The following PCDH15 variants were observed in gnomAD, a reference collection of about 807,000 sequenced individuals.
PCDH15 encodes protocadherin-15.
Under a neutral mutation model 178.5 loss-of-function variants are expected in PCDH15, and 129 were observed. The observed-to-expected ratio is 0.72, with a 90% CI of 0.63 to 0.84. The LOEUF (loss-of-function observed/expected upper bound fraction) is 0.84, where lower values mean the gene tolerates loss of function less well. PCDH15 is among the 40% of genes least tolerant of loss of function. The pLI is 0.00. For missense variants in PCDH15, 2,230 were observed against 2,099.9 expected (o/e 1.06, Z -1.21); for synonymous variants, 800 against 732.0 (o/e 1.09, Z -1.50).
At chr10:54,760,750 G>A (rs548145237) in intron 1 of PCDH15, among the ~76,000 whole-genome samples, 3 of 152,190 alleles carry the variant, frequency 2.0e-5, no homozygotes, top group South Asian at 4.1e-4. Flanking sequence ...GCAAAGTTAG[G>A]TAAATTGATG....
At chr10:54,639,921 T>C (rs920964865) in intron 2 of PCDH15, among the ~76,000 whole-genome samples, 2 of 152,076 alleles carry the variant, frequency 1.3e-5, no homozygotes, top group Admixed American at 1.3e-4. Context: ...ACCTAGTGAT[T>C]ATAGATAGAT....
intron 2 of PCDH15, among the ~76,000 whole-genome samples, chr10:55,390,928 T>G (rs1837777669): frequency 6.6e-6 from 1 of 152,180 alleles, no homozygotes; most frequent in East Asian, 1.9e-4. Context: ...AGATCTAACA[T>G]TAAGACTTAA....
At chr10:55,271,155 G>A (rs183668057) in intron 1 of PCDH15, among the ~76,000 whole-genome samples, 1 of 152,098 alleles carries the variant, frequency 6.6e-6, no homozygotes, top group East Asian at 1.9e-4. Flanking sequence ...AGAGAGGTGG[G>A]CAGGGGGTGA....
intron 12 of PCDH15, among the ~76,000 whole-genome samples, chr10:54,184,343 C>G (rs1281203842): frequency 6.6e-6 from 1 of 151,968 alleles, no homozygotes; most frequent in Non-Finnish European, 1.5e-5. Flanking sequence ...GCTCATCTTT[C>G]TCCTGTGACT....
chr10:54,852,941 T>C (rs920445065), intron 3 of PCDH15, among the ~76,000 whole-genome samples: 1 of 150,968 alleles, frequency 6.6e-6, no homozygotes, highest in Non-Finnish European at 1.5e-5. Context: ...GACAGATACA[T>C]AAAAATCTTA....
chr10:54,549,139 C>T (rs1316349370), intron 2 of PCDH15, among the ~76,000 whole-genome samples: 9 of 151,370 alleles, frequency 5.9e-5, no homozygotes, highest in Non-Finnish European at 1.0e-4. Flanking sequence ...TAATCCTTGG[C>T]TTTGTTAAGT....
At chr10:53,839,064 C>T (rs2077479678) in intron 29 of PCDH15, among the ~76,000 whole-genome samples, 3 of 151,790 alleles carry the variant, frequency 2.0e-5, no homozygotes, top group South Asian at 2.1e-4. Flanking sequence ...ATTAGCTGGG[C>T]GTGGTGGCGG....
intron 25 of PCDH15, among the ~76,000 whole-genome samples, chr10:53,907,855 A>T (rs2082787425): frequency 6.6e-6 from 1 of 152,190 alleles, no homozygotes; most frequent in Admixed American, 6.5e-5. Context: ...CAGAAGAGTG[A>T]TTTTAAATAC....
At chr10:55,490,782 G>A (rs1326937225) in intron 2 of PCDH15, among the ~76,000 whole-genome samples, 1 of 151,610 alleles carries the variant, frequency 6.6e-6, no homozygotes, top group African/African-American at 2.4e-5. Context: ...ATAACACAAT[G>A]GTTCCAAGAA....
At chr10:54,072,383 T>C (rs973381416) in intron 17 of PCDH15, among the ~76,000 whole-genome samples, 1 of 152,176 alleles carries the variant, frequency 6.6e-6, no homozygotes, top group Non-Finnish European at 1.5e-5. Flanking sequence ...TAGAGTTTCA[T>C]TCATGATGTA....
At chr10:55,616,779 G>C (rs1843487996) in intron 2 of PCDH15, among the ~76,000 whole-genome samples, 1 of 152,052 alleles carries the variant, frequency 6.6e-6, no homozygotes, top group Non-Finnish European at 1.5e-5. Flanking sequence ...TATTAGCACT[G>C]GTTGATATTT....
intron 3 of PCDH15, among the ~76,000 whole-genome samples, chr10:54,438,577 C>A (rs112038441): frequency 6.6e-6 from 1 of 152,004 alleles, no homozygotes; most frequent in Non-Finnish European, 1.5e-5. Flanking sequence ...GCTGCCTCAA[C>A]GAGCATGTAG....
intron 2 of PCDH15, among the ~76,000 whole-genome samples, chr10:54,590,639 G>A (rs1303300146): frequency 2.6e-5 from 4 of 152,016 alleles, no homozygotes; most frequent in East Asian, 1.9e-4. Flanking sequence ...TGTAACTCTG[G>A]GAACACCTTA....
chr10:55,321,178 A>G (rs1039942144), upstream of PCDH15, among the ~76,000 whole-genome samples: 1 of 152,150 alleles, frequency 6.6e-6, no homozygotes, highest in African/African-American at 2.4e-5. Context: ...TAGAGTTGAA[A>G]AACTCACTTC....
intron 11 of PCDH15, among the ~76,000 whole-genome samples, chr10:54,194,694 C>T (rs1402315621): frequency 8.0e-6 from 1 of 124,520 alleles, no homozygotes; most frequent in Non-Finnish European, 1.7e-5. Context: ...CTATCTATAT[C>T]TGTATGTGTA....
intron 8 of PCDH15, among the ~76,000 whole-genome samples, chr10:54,258,727 T>C (rs1016644): frequency 0.68 from 104,005 of 151,982 alleles, 36,580 homozygotes; most frequent in Middle Eastern, 0.76. Context: ...ATATCCAACG[T>C]GAATAAAGTC....
chr10:54,817,716 T>C (rs1246064400), intron 3 of PCDH15, among the ~76,000 whole-genome samples: 1 of 152,092 alleles, frequency 6.6e-6, no homozygotes, highest in African/African-American at 2.4e-5. Flanking sequence ...ATGTATATCA[T>C]CTATACAATG....
intron 15 of PCDH15, among the ~76,000 whole-genome samples, chr10:54,108,900 C>T (rs372559701): frequency 1.3e-5 from 2 of 152,134 alleles, no homozygotes; most frequent in African/African-American, 4.8e-5. Context: ...AAAATAGAAA[C>T]CTCTGCCTTG....
chr10:54,736,199 T>C (rs770883874), intron 1 of PCDH15, among the ~76,000 whole-genome samples: 5 of 152,000 alleles, frequency 3.3e-5, no homozygotes, highest in Non-Finnish European at 5.9e-5. Context: ...ATCATCACAT[T>C]ATTTCTCTAA....
Sources: gnomAD v4.1 joint callset for allele counts (sites outside exome capture counted in the v4.1 genomes callset) on GRCh38, gnomAD v4.1.1 for gene constraint, MANE v1.5 for transcripts, NCBI Gene and HGNC (gene_info 2026-07-23, HGNC 2026-07-21) for gene names.